The following WDR17 variants were observed in gnomAD, a reference collection of about 807,000 sequenced individuals.
WDR17 encodes the protein WD repeat domain 17, also known as WD repeat-containing protein 17.
A neutral mutation model predicts 161.7 loss-of-function variants in WDR17; 143 were observed. The ratio of observed to expected loss-of-function variants is 0.88; its 90% CI spans 0.77 to 1.02. The LOEUF (loss-of-function observed/expected upper bound fraction) is 1.02. Among genes scored for constraint, WDR17 ranks in the 50% least tolerant of loss-of-function variants. The pLI is 0.00. For synonymous variants in WDR17, 517 were observed against 515.6 expected, an observed-to-expected ratio of 1.00 and a Z score of -0.04; for missense variants, 1,469 against 1,520.9, an observed-to-expected ratio of 0.97 and a Z score of 0.57.
At chr4:176,135,019 A>C in intron 7 of WDR17, 89 bp from the exon 8 acceptor site, 2 of 1,318,176 alleles carry the variant, frequency 1.5e-6, no homozygotes, top group Non-Finnish European at 2.1e-6. Flanking sequence ...AACCGTATAC[A>C]TGTGTCAATT....
chr4:176,112,521 C>A (rs547406481), intron 2 of WDR17, among the ~76,000 whole-genome samples: 1 of 152,244 alleles, frequency 6.6e-6, no homozygotes, highest in African/African-American at 2.4e-5. Flanking sequence ...TCCAGTTATA[C>A]CAAACCAATT....
At chr4:176,138,439 A>C (rs953983862) in intron 9 of WDR17, among the ~76,000 whole-genome samples, 2 of 151,704 alleles carry the variant, frequency 1.3e-5, no homozygotes, top group Admixed American at 6.6e-5. Context: ...TTTAGAGACC[A>C]CTGTGAGCAA....
intron 1 of WDR17, among the ~76,000 whole-genome samples, chr4:176,077,379 CA>C (rs753193534): frequency 6.7e-6 from 1 of 149,572 alleles, no homozygotes; most frequent in Non-Finnish European, 1.5e-5. Context: ...GAGGCAATGA[CA>C]ATGTACATTT....
intron 8 of WDR17, among the ~76,000 whole-genome samples, chr4:176,136,008 C>G (rs1394372861): frequency 6.6e-6 from 1 of 151,500 alleles, no homozygotes; most frequent in Non-Finnish European, 1.5e-5. Context: ...AATATTTGGG[C>G]CTCCAAGGGT....
chr4:176,139,270 A>G (rs1312806839), intron 9 of WDR17, among the ~76,000 whole-genome samples: 1 of 151,938 alleles, frequency 6.6e-6, no homozygotes, highest in Admixed American at 6.6e-5. Context: ...CCGTTGATGA[A>G]TGACATTCTC....
intron 18 of WDR17, 136 bp from the exon 19 acceptor site, chr4:176,159,858 G>A (rs1748759150): frequency 5.5e-6 from 4 of 722,098 alleles, no homozygotes; most frequent in Middle Eastern, 4.0e-4. Context: ...ATTATAAAAT[G>A]TCTTTTTTAA....
intron 3 of WDR17, 149 bp from the exon 4 acceptor site, chr4:176,119,718 G>A (rs1008443957): frequency 5.5e-6 from 4 of 732,938 alleles, no homozygotes; most frequent in African/African-American, 5.4e-5. Flanking sequence ...CAGTCTTTGG[G>A]ATTTCTTTAT....
intron 22 of WDR17, chr4:176,166,064 C>G (rs1749732338): frequency 1.1e-6 from 1 of 903,182 alleles, no homozygotes. Context: ...CTGTAAAAGT[C>G]TGTTTCTTTG....
intron 1 of WDR17, among the ~76,000 whole-genome samples, chr4:176,096,817 C>T (rs1736953232): frequency 6.6e-6 from 1 of 151,482 alleles, no homozygotes; most frequent in African/African-American, 2.4e-5. Flanking sequence ...CAGATGAGTT[C>T]TTAATGTTTT....
At chr4:176,175,609 G>C (rs1470486920) in intron 26 of WDR17, among the ~76,000 whole-genome samples, 1 of 152,102 alleles carries the variant, frequency 6.6e-6, no homozygotes, top group Non-Finnish European at 1.5e-5. Flanking sequence ...CCAGGCTGGA[G>C]TGCAGTGGCA....
At chr4:176,121,251 C>A (rs1027569059) in intron 4 of WDR17, among the ~76,000 whole-genome samples, 3 of 152,192 alleles carry the variant, frequency 2.0e-5, no homozygotes, top group Non-Finnish European at 4.4e-5. Context: ...GCACTGGAAA[C>A]AGATCCTGTT....
Position 176,119,878 on chromosome 4 carries a change from T to A in WDR17, c.319T>A (p.Ser107Thr). 6.2e-7 allele frequency: 1 copy of A among 1,614,040 alleles called. No individual in the cohort carries two copies. Among genetic ancestry groups the A allele is most frequent in the Non-Finnish European group, 8.5e-7 (1 of 1,179,908 alleles). Reference sequence around the variant, plus strand: ...TTAATGTATTCCAGGGATCCCTGCTTCTCTTAGTTGGTGCTGGAATGCAGA... The same window carrying A: ...TTAATGTATTCCAGGGATCCCTGCTACTCTTAGTTGGTGCTGGAATGCAGA... ...KLDSTKGIPA[S>T]LSWCWNAEDV... The change falls in exon 4 of 29, where the codon TCT becomes ACT. Residue 107 changes from serine (S) to threonine (T), a missense_variant. By Grantham distance (58) the Ser-to-Thr change is moderately conservative. Transcript: ENST00000508596.
At chr4:176,132,256 T>G (rs150775362) in intron 7 of WDR17, among the ~76,000 whole-genome samples, 72 of 152,274 alleles carry the variant, frequency 4.7e-4, no homozygotes, top group African/African-American at 1.6e-3. Context: ...GGTTGTGTTC[T>G]GTGGTACAGC....
At chr4:176,165,355 G>A (rs577366450) in intron 22 of WDR17, among the ~76,000 whole-genome samples, 113 of 152,070 alleles carry the variant, frequency 7.4e-4, no homozygotes, top group African/African-American at 2.5e-3. Context: ...GGCAACAAGA[G>A]TGAAACTTCG....
chr4:176,164,198 G>A (rs1363014715), intron 22 of WDR17, among the ~76,000 whole-genome samples: 1 of 152,198 alleles, frequency 6.6e-6, no homozygotes, highest in African/African-American at 2.4e-5. Flanking sequence ...TAGGTTCTAT[G>A]TGGTAGGTTT....
At chr4:176,088,667 T>G in intron 1 of WDR17, among the ~76,000 whole-genome samples, 1 of 152,208 alleles carries the variant, frequency 6.6e-6, no homozygotes, top group East Asian at 1.9e-4. Context: ...AGATGTGGCA[T>G]GAACAGGCTG....
intron 23 of WDR17, among the ~76,000 whole-genome samples, chr4:176,169,988 A>C (rs1476982143): frequency 2.6e-5 from 4 of 152,168 alleles, no homozygotes; most frequent in Non-Finnish European, 5.9e-5. Flanking sequence ...GGAGTTTTTT[A>C]ATTATACATT....
intron 6 of WDR17, among the ~76,000 whole-genome samples, chr4:176,130,541 G>T (rs572887859): frequency 6.6e-6 from 1 of 151,922 alleles, no homozygotes; most frequent in Admixed American, 6.6e-5. Context: ...TCAGGAGATC[G>T]AGACCATCCT....
At chr4:176,167,583 C>G (rs1749989735) in intron 22 of WDR17, among the ~76,000 whole-genome samples, 1 of 135,768 alleles carries the variant, frequency 7.4e-6, no homozygotes, top group African/African-American at 2.7e-5. Flanking sequence ...GGGGGCGGAG[C>G]CTGCAGTGAG....
Sources: gnomAD v4.1 joint callset for allele counts (sites outside exome capture counted in the v4.1 genomes callset) on GRCh38, gnomAD v4.1.1 for gene constraint, MANE v1.5 for transcripts, NCBI Gene and HGNC (gene_info 2026-07-23, HGNC 2026-07-21) for gene names.